Variants in SLC2A14 observed in about 807,000 individuals in gnomAD.
SLC2A14 encodes solute carrier family 2, facilitated glucose transporter member 14.
SLC2A14 carries 13 observed loss-of-function variants against 43.0 expected under a neutral mutation model. That is an observed-to-expected ratio of 0.30 (90% confidence interval 0.20 to 0.48). The LOEUF (loss-of-function observed/expected upper bound fraction) is 0.48, where lower values mean the gene tolerates loss of function less well. Among genes scored for constraint, SLC2A14 ranks in the 20% least tolerant of loss-of-function variants. The pLI is 0.99. For synonymous variants in SLC2A14, 190 were observed against 233.8 expected, an observed-to-expected ratio of 0.81 and a Z score of 1.71; for missense variants, 428 against 620.4, an observed-to-expected ratio of 0.69 and a Z score of 3.29.
chr12:7,883,565 CTCTTTTTCTTTT>C (rs1209436951), intron 1 of SLC2A14, among the ~76,000 whole-genome samples: 3 of 145,430 alleles, frequency 2.1e-5, no homozygotes, highest in South Asian at 4.4e-4. Context: ...CACGCCCGGC[CTCTTTTTCTTTT>C]TCTTTTTCTT....
chr12:7,845,830 G>A (rs1866424698), intron 2 of SLC2A14, among the ~76,000 whole-genome samples: 2 of 148,586 alleles, frequency 1.3e-5, no homozygotes, highest in South Asian at 2.1e-4. Flanking sequence ...GGTGGCTCAC[G>A]CCTGTAATCG....
At chr12:7,889,595 G>A (rs1029596100) in intron 1 of SLC2A14, among the ~76,000 whole-genome samples, 1 of 150,806 alleles carries the variant, frequency 6.6e-6, no homozygotes, top group Non-Finnish European at 1.5e-5. Flanking sequence ...GAGTGCAGGG[G>A]TGCAATCTCG....
upstream of SLC2A14, among the ~76,000 whole-genome samples, chr12:7,876,777 A>C (rs1323732805): frequency 8.5e-5 from 13 of 152,172 alleles, no homozygotes; most frequent in East Asian, 2.5e-3. Flanking sequence ...CACTGATGCC[A>C]GGAAAGTTCT....
intron 2 of SLC2A14, among the ~76,000 whole-genome samples, chr12:7,848,850 C>T (rs1866688649): frequency 6.6e-6 from 1 of 151,786 alleles, no homozygotes; most frequent in East Asian, 1.9e-4. Flanking sequence ...GCCACCGCGC[C>T]CGGCCTCTTT....
At position 7,826,986 on chromosome 12, in the gene SLC2A14, T is replaced by TC. The variant is rs140882246; in HGVS notation, c.864+508_864+509insG. Among the ~76,000 whole-genome samples, 52 of 106,694 alleles carry TC rather than the reference T, an allele frequency of 4.9e-4. 1 individual carries two copies. In the East Asian group the frequency reaches 0.011, roughly 23 times the overall value. The allele number at this position is 106,694 out of a possible 152,430, so 70.0% of individuals were successfully genotyped here. On this transcript the variant is annotated intron_variant, in intron 7 of 10. Transcript: ENST00000431042. ...CTCTTTCTCTCTCTCTTTCTCTCCT[T>TC]TCTCTCTTTCTCTCCTTTCTCTCTC...
At chr12:7,853,255 A>G (rs894649493) in intron 2 of SLC2A14, among the ~76,000 whole-genome samples, 4 of 151,896 alleles carry the variant, frequency 2.6e-5, no homozygotes, top group Admixed American at 2.0e-4. Context: ...CCTGACCAAC[A>G]TGGTGAAACC....
chr12:7,874,712 G>GTTAAATA (rs1252794849), upstream of SLC2A14, among the ~76,000 whole-genome samples: 15 of 127,122 alleles, frequency 1.2e-4, no homozygotes, highest in African/African-American at 4.1e-4. Flanking sequence ...ATATAAATAT[G>GTTAAATA]TATATAAATA....
chr12:7,816,352 C>T lies in SLC2A14; in HGVS notation c.1275+1479G>A, dbSNP rs1360321551. 4.3e-4 allele frequency among the ~76,000 whole-genome samples: 51 copies of T among 118,668 alleles called. 17 individuals carry two copies. Among genetic ancestry groups the T allele is most frequent in the Non-Finnish European group, 7.8e-4 (45 of 57,380 alleles). The allele number at this position is 118,668 out of a possible 152,430, so 77.9% of individuals were successfully genotyped here. On this transcript the variant is annotated intron_variant, in intron 10 of 10. Coordinates refer to ENST00000431042, the MANE Select transcript of SLC2A14 (RefSeq NM_001286234.2). The stretch of plus-strand genomic sequence containing the variant: ...ATCTCCTGACCTCATGATCCACCCG[C>T]CTCGGCCTCCCAAAGTGCTGGGATT...
chr12:7,831,904 T>C (rs1187686683), intron 3 of SLC2A14, 140 bp from the exon 4 acceptor site: 2 of 995,192 alleles, frequency 2.0e-6, no homozygotes, highest in African/African-American at 3.3e-5. Context: ...AGGTCAGGAG[T>C]TGCAGACCAA....
chr12:7,874,823 T>TAAATTATATATAAATACATATTTATATAA (rs1945401517), upstream of SLC2A14, among the ~76,000 whole-genome samples: 2 of 63,208 alleles, frequency 3.2e-5, no homozygotes, highest in African/African-American at 1.2e-4. Context: ...TATTTATATA[T>TAAATTATATATAAATACATATTTATATAA]AAATTATATA....
intron 2 of SLC2A14, among the ~76,000 whole-genome samples, chr12:7,844,830 CG>C (rs1866326005): frequency 6.6e-6 from 1 of 152,072 alleles, no homozygotes; most frequent in Non-Finnish European, 1.5e-5. Flanking sequence ...GCCACCGCAC[CG>C]GGCTGTAAAT....
upstream of SLC2A14, among the ~76,000 whole-genome samples, chr12:7,875,170 A>AAAATTAAATATATATATTTT (rs1565585674): frequency 8.8e-5 from 12 of 135,684 alleles, no homozygotes; most frequent in Non-Finnish European, 1.7e-4. Flanking sequence ...ATATATATTT[A>AAAATTAAATATATATATTTT]ATTATATATA....
chr12:7,876,280 CAAA>C (rs59935166), upstream of SLC2A14, among the ~76,000 whole-genome samples: 1,020 of 68,192 alleles, frequency 0.015, 14 homozygotes, highest in African/African-American at 0.051. Context: ...AACTCCATCT[CAAA>C]AAAAAAAAAA....
intron 1 of SLC2A14, among the ~76,000 whole-genome samples, chr12:7,884,812 C>T (rs1223709108): frequency 6.6e-6 from 1 of 152,146 alleles, no homozygotes; most frequent in Non-Finnish European, 1.5e-5. Flanking sequence ...TGTTTCTCCT[C>T]TCCCTGCGGG....
chr12:7,853,077 C>T (rs961945755), intron 2 of SLC2A14, among the ~76,000 whole-genome samples: 2 of 151,944 alleles, frequency 1.3e-5, no homozygotes, highest in Non-Finnish European at 2.9e-5. Flanking sequence ...AATCCAACAA[C>T]GGATTAGATG....
intron 7 of SLC2A14, among the ~76,000 whole-genome samples, chr12:7,826,627 C>G (rs1864374225): frequency 6.6e-6 from 1 of 152,046 alleles, no homozygotes; most frequent in Non-Finnish European, 1.5e-5. Context: ...GGAGTACTCT[C>G]TTCCCACAAT....
intron 2 of SLC2A14, among the ~76,000 whole-genome samples, chr12:7,836,979 C>T (rs1160961475): frequency 1.3e-5 from 2 of 151,548 alleles, no homozygotes; most frequent in Non-Finnish European, 2.9e-5. Flanking sequence ...CCAGCCGGGC[C>T]AATATAGTGA....
chr12:7,817,702 C>T (rs1057273874), intron 10 of SLC2A14, 129 bp downstream of exon 10: 12 of 1,126,192 alleles, frequency 1.1e-5, no homozygotes, highest in African/African-American at 9.4e-5. Context: ...GAGCTGAGAT[C>T]GGGCAACTGC....
At chr12:7,850,816 G>A (rs1294808847) in intron 2 of SLC2A14, 4 of 152,346 alleles carry the variant, frequency 2.6e-5, no homozygotes, top group African/African-American at 9.6e-5. Context: ...ATTTAGACCA[G>A]CTATGAAGGA....
Sources: allele counts gnomAD v4.1 joint callset (sites outside exome capture counted in the v4.1 genomes callset), GRCh38; gene constraint gnomAD v4.1.1; transcripts MANE v1.5; gene names NCBI Gene and HGNC (gene_info 2026-07-23, HGNC 2026-07-21).